Variants in AKAP8 observed in about 807,000 individuals in gnomAD.
The protein encoded by AKAP8 is A-kinase anchor protein 8.
Under a neutral mutation model 67.5 loss-of-function variants are expected in AKAP8, and 24 were observed. The observed-to-expected ratio is 0.36, with a 90% CI of 0.26 to 0.50. The LOEUF (loss-of-function observed/expected upper bound fraction) is 0.50, where lower values mean the gene tolerates loss of function less well. AKAP8 is among the 20% of genes least tolerant of loss of function. The pLI is 0.97. For synonymous variants in AKAP8, 400 were observed against 371.1 expected, an observed-to-expected ratio of 1.08 and a Z score of -0.90; for missense variants, 971 against 955.9, an observed-to-expected ratio of 1.02 and a Z score of -0.21.
chr19:15,357,051 C>T (rs1966893588), intron 13 of AKAP8, among the ~76,000 whole-genome samples: 4 of 151,978 alleles, frequency 2.6e-5, no homozygotes, highest in Admixed American at 1.3e-4. Context: ...CTGCACCTCC[C>T]GGATTCAAGC....
In AKAP8 at chr19:15,374,592, G is replaced by A. The variant is rs763569301; in HGVS notation, c.91+11C>T. On this transcript the variant is annotated intron_variant, in intron 3 of 13. Transcript: ENST00000269701. ...TGCCCGCCCACAGACCCCCCCCACA[G>A]AAGGGCTTACCTTGCCAGCTGGCCA... 1 of 1,609,330 alleles carries A rather than the reference G, an allele frequency of 6.2e-7. No homozygotes were observed. Among genetic ancestry groups the A allele is most frequent in the South Asian group, 1.1e-5 (1 of 90,916 alleles).
chr19:15,361,542 C>T (rs954377924), intron 11 of AKAP8, 187 bp downstream of exon 11: 49 of 513,438 alleles, frequency 9.5e-5, no homozygotes, highest in Non-Finnish European at 4.6e-5. Flanking sequence ...TTAGTAGAGA[C>T]GGGGTTTCAC....
chr19:15,374,572 G>A (rs761175259), intron 3 of AKAP8, 31 bp downstream of exon 3: 52 of 1,591,918 alleles, frequency 3.3e-5, no homozygotes, highest in Non-Finnish European at 4.1e-5. Flanking sequence ...CCACTTGCCC[G>A]CCCACAGACC....
rs2145085048 is a variant in AKAP8 at position 15,374,041 on chromosome 19, C to T, written c.116G>A (p.Gly39Asp). The change falls in exon 4 of 14, where the codon GGC becomes GAC. Residue 39 changes from glycine to aspartate, a missense_variant. This residue lies in a region of AKAP8 where 763 missense variants were observed against 745.4 expected (regional missense o/e 1.02). Coordinates refer to ENST00000269701, the MANE Select transcript of AKAP8 (RefSeq NM_005858.4). ...TGTGGTGACACTGGTGTTCTGGGCGCCATAGTAATTGTAGTTTTCATAACC... is the reference window on the plus strand; with the variant it reads ...TGTGGTGACACTGGTGTTCTGGGCGTCATAGTAATTGTAGTTTTCATAACC... ...WQGYENYNYY[G>D]AQNTSVTTGA... 4.4e-6 allele frequency: 7 copies of T among 1,575,148 alleles called. No individual in the cohort carries two copies. The East Asian group carries it at 1.6e-4, about 35-fold the overall frequency.
In AKAP8 at chr19:15,374,634, A is replaced by G. The variant is rs753545758; in HGVS notation, c.60T>C (p.Gly20=). ...AWSAGPANTQ[G]AYGTGVASWQ... ...AGCTGGCCACACCAGTTCCATATGC[A>G]CCTTAGGGGAAACAGAAACACACAA... The change falls in exon 3 of 14, where the codon GGT becomes GGC. Residue 20 remains glycine, a splice_region_variant and synonymous_variant. Coordinates refer to ENST00000269701, the MANE Select transcript of AKAP8 (RefSeq NM_005858.4). The G allele has an allele frequency of 6.2e-7, 1 of 1,611,344 alleles. No homozygotes were observed. The highest frequency in any genetic ancestry group is 8.5e-7 in the Non-Finnish European group (1 of 1,178,884).
chr19:15,371,848 G>T, intron 7 of AKAP8, 104 bp downstream of exon 7: 1 of 1,343,846 alleles, frequency 7.4e-7, no homozygotes, highest in Non-Finnish European at 1.0e-6. Context: ...CTCAGAGGTA[G>T]TCAAATCTAC....
At position 15,373,916 on chromosome 19, in the gene AKAP8, C is replaced by G. The variant is rs138205008; in HGVS notation, c.241G>C (p.Gly81Arg). The G allele has an allele frequency of 1.3e-5, 21 of 1,613,684 alleles. 1 individual carries two copies. The South Asian group carries it at 2.3e-4, about 18-fold the overall frequency. The change falls in exon 4 of 14, where the codon GGC (glycine) becomes CGC (arginine). Residue 81 changes from glycine (G) to arginine (R), a missense_variant. By Grantham distance (125) the Gly-to-Arg change is moderately radical. This residue lies in a region of AKAP8 where 763 missense variants were observed against 745.4 expected (regional missense o/e 1.02). Coordinates refer to ENST00000269701, the MANE Select transcript of AKAP8 (RefSeq NM_005858.4). Reference sequence around the variant, plus strand: ...GAATTGTCGGTGCATGGCTCTGGGCCGTAAGAGGCCATGTGCATGGCAGGG... The same window carrying G: ...GAATTGTCGGTGCATGGCTCTGGGCGGTAAGAGGCCATGTGCATGGCAGGG... ...GAPAMHMASYGPEPCTDNSDS... is the reference protein window; with the variant it reads ...GAPAMHMASYRPEPCTDNSDS...
Position 15,353,937 on chromosome 19 carries a change from T to C in AKAP8, c.*978A>G, listed in dbSNP as rs1212071398. The C allele has an allele frequency of 2.0e-5, 3 of 151,854 alleles. No individual in the cohort carries two copies. Among genetic ancestry groups the C allele is most frequent in the African/African-American group, 4.8e-5 (2 of 41,496 alleles). 9.4% of individuals were successfully genotyped at this position (151,854 alleles called of 1,614,324 possible). ...AAACATATATTTCATTTTATATATA[T>C]ATATATATATTACAGATACCTTCTA... On this transcript the variant is annotated 3_prime_UTR_variant, in exon 14 of 14. Coordinates refer to ENST00000269701, the MANE Select transcript of AKAP8 (RefSeq NM_005858.4).
At chr19:15,368,159 G>A (rs776709193) in intron 9 of AKAP8, 76 bp downstream of exon 9, 8 of 1,575,150 alleles carry the variant, frequency 5.1e-6, no homozygotes, top group African/African-American at 1.3e-5. Context: ...ATTGTGGAGC[G>A]AGGACAGGTG....
intron 9 of AKAP8, 138 bp from the exon 10 acceptor site, chr19:15,362,389 G>GGTCTCCCTCTCCCTCTCTTTCCACC: frequency 4.5e-6 from 2 of 445,184 alleles, no homozygotes. Context: ...CTCTCCCCAC[G>GGTCTCCCTCTCCCTCTCTTTCCACC]GTCTCCCTCT....
intron 9 of AKAP8, among the ~76,000 whole-genome samples, chr19:15,364,320 C>T (rs1454163514): frequency 6.6e-6 from 1 of 150,976 alleles, no homozygotes; most frequent in African/African-American, 2.4e-5. Context: ...CGCCACCAAG[C>T]CTGGCTAAAT....
chr19:15,373,689 C>G (rs1051859873), intron 4 of AKAP8, 97 bp downstream of exon 4: 1 of 1,387,126 alleles, frequency 7.2e-7, no homozygotes, highest in South Asian at 1.4e-5. Context: ...AAGAGGGAGG[C>G]GGGGACAGGC....
intron 1 of AKAP8, among the ~76,000 whole-genome samples, chr19:15,377,728 A>C (rs1273432582): frequency 5.9e-5 from 9 of 152,064 alleles, no homozygotes; most frequent in African/African-American, 2.2e-4. Flanking sequence ...TCGGCCTCCC[A>C]AAGTGCTGGG....
intron 8 of AKAP8, chr19:15,368,954 C>A: frequency 2.0e-6 from 2 of 986,018 alleles, no homozygotes; most frequent in Non-Finnish European, 2.4e-6. Context: ...CCCGTCCGTC[C>A]CCCGGGGCCA....
chr19:15,356,545 C>A (rs2048279923), intron 13 of AKAP8, among the ~76,000 whole-genome samples: 1 of 152,084 alleles, frequency 6.6e-6, no homozygotes, highest in Non-Finnish European at 1.5e-5. Context: ...TGGAGGACTG[C>A]CGGAGCTCAG....
intron 2 of AKAP8, among the ~76,000 whole-genome samples, chr19:15,375,785 C>T (rs1258509459): frequency 2.0e-5 from 3 of 151,936 alleles, no homozygotes; most frequent in South Asian, 2.1e-4. Flanking sequence ...TACAGGCGCC[C>T]GCCACCGCGC....
At chr19:15,361,483 T>C in intron 11 of AKAP8, 3 of 383,826 alleles carry the variant, frequency 7.8e-6, no homozygotes, top group East Asian at 6.2e-5. Context: ...CCCAAGTAGC[T>C]GGGACTACAG....
intron 7 of AKAP8, among the ~76,000 whole-genome samples, chr19:15,370,690 G>A (rs1967141280): frequency 8.6e-6 from 1 of 116,838 alleles, no homozygotes; most frequent in African/African-American, 3.3e-5. Context: ...GGAGTGCAAT[G>A]ATGCAATCTC....
At chr19:15,364,948 C>T (rs1281821679) in intron 9 of AKAP8, among the ~76,000 whole-genome samples, 1 of 152,328 alleles carries the variant, frequency 6.6e-6, no homozygotes, top group Non-Finnish European at 1.5e-5. Context: ...CCAAGAGTTC[C>T]GACTTCCCAA....
Sources: gnomAD v4.1 joint callset for allele counts (sites outside exome capture counted in the v4.1 genomes callset) on GRCh38, gnomAD v4.1.1 for gene constraint, gnomAD v4.1.1 regional missense constraint, MANE v1.5 for transcripts, NCBI Gene and HGNC (gene_info 2026-07-23, HGNC 2026-07-21) for gene names.